The following SCN2B variants were observed in gnomAD, a reference collection of about 807,000 sequenced individuals.
The protein encoded by SCN2B is sodium voltage-gated channel beta subunit 2, also known as sodium channel regulatory subunit beta-2.
A neutral mutation model predicts 18.2 loss-of-function variants in SCN2B; 14 were observed. The ratio of observed to expected loss-of-function variants is 0.77; its 90% CI spans 0.51 to 1.21. The LOEUF (loss-of-function observed/expected upper bound fraction) is 1.21, where lower values mean the gene tolerates loss of function less well. Ranked by LOEUF, SCN2B falls within the 50% of genes most tolerant of loss-of-function variation. The probability of loss-of-function intolerance (pLI) is 0.00; values close to 1 mark genes in which losing one functional copy is unlikely to be tolerated. For synonymous variants in SCN2B, 115 were observed against 115.3 expected, an observed-to-expected ratio of 1.00 and a Z score of 0.02; for missense variants, 262 against 286.9, an observed-to-expected ratio of 0.91 and a Z score of 0.63.
chr11:118,171,742 C>T (rs1948432713), intron 1 of SCN2B, among the ~76,000 whole-genome samples: 1 of 152,222 alleles, frequency 6.6e-6, no homozygotes, highest in Non-Finnish European at 1.5e-5. Context: ...GCAATGCGGG[C>T]TCCCCCTCCC....
rs542359426 is a variant in SCN2B at position 118,166,777 on chromosome 11, C to T, written c.*110G>A. On this transcript the variant is annotated 3_prime_UTR_variant, in exon 4 of 4. Coordinates refer to ENST00000278947, the MANE Select transcript of SCN2B (RefSeq NM_004588.5). The stretch of plus-strand genomic sequence containing the variant: ...GGGGTTCAGGAGGCCCCAGGTGGGC[C>T]CTGGGGTCCTAGGTCACGGGAAGCA... The T allele has an allele frequency of 7.3e-7, 1 of 1,369,570 alleles. No homozygotes were observed. The highest frequency in any genetic ancestry group is 1.4e-5 in the African/African-American group (1 of 70,076). The allele number at this position is 1,369,570 out of a possible 1,614,324, so 84.8% of individuals were successfully genotyped here.
Position 118,166,828 on chromosome 11 carries a change from C to T in SCN2B, c.*59G>A. On this transcript the variant is annotated 3_prime_UTR_variant, in exon 4 of 4. Transcript: ENST00000278947. ...CACCAAGAGCGAGCAGGCAGGGTCA[C>T]TGTACAGGGCGGAGAGGGGAGGAGA... is the stretch of plus-strand genomic sequence containing the variant. 1.9e-6 allele frequency: 3 copies of T among 1,603,180 alleles called. No homozygotes were observed. Among genetic ancestry groups the T allele is most frequent in the Non-Finnish European group, 2.6e-6 (3 of 1,173,744 alleles).
Position 118,174,178 on chromosome 11 carries a change from G to A in SCN2B, c.70+2184C>T, listed in dbSNP as rs550844390. Among the ~76,000 whole-genome samples the A allele has an allele frequency of 3.0e-3, 376 of 125,790 alleles. 2 individuals carry two copies. The highest frequency in any genetic ancestry group is 0.011 in the African/African-American group (364 of 32,766). 82.5% of individuals were successfully genotyped at this position (125,790 alleles called of 152,430 possible). A position where few individuals can be genotyped will look rare whatever the true frequency, so the allele number is the denominator to read the frequency against. ...TGGTCTCCAATTCCTGGCCTCAAGC[G>A]ATCCTCCCACCTCGGCCTCCCAAAG... On this transcript the variant is annotated intron_variant, in intron 1 of 3. Transcript: ENST00000278947.
At position 118,168,221 on chromosome 11, in the gene SCN2B, G is replaced by A. The variant is rs747596789; in HGVS notation, c.312C>T (p.Asn104=). ...RFQDRVEFSG[N]PSKYDVSVML... is the part of the protein sequence containing the mutation. ...TCACCGACACATCGTACTTGCTGGG[G>A]TTCCCTGAGAACTCCACGCGGTCTT... Residue 104 remains asparagine, a synonymous_variant, in exon 3 of 4, where the codon AAC becomes AAT. Coordinates refer to ENST00000278947, the MANE Select transcript of SCN2B (RefSeq NM_004588.5). The surrounding 1 kb of genome is among the most constrained non-coding windows in gnomAD (Gnocchi z 4.7). 6.2e-7 allele frequency: 1 copy of A among 1,614,168 alleles called. No homozygotes were observed. The highest frequency in any genetic ancestry group is 1.7e-5 in the Admixed American group (1 of 60,024).
chr11:118,170,752 G>A (rs1269055372), intron 1 of SCN2B, among the ~76,000 whole-genome samples: 1 of 152,158 alleles, frequency 6.6e-6, no homozygotes, highest in African/African-American at 2.4e-5. Flanking sequence ...GATCTCCCAG[G>A]GTTGTTTCGA....
rs1360481370 is a variant in SCN2B at position 118,165,398 on chromosome 11, C to T, written c.*1489G>A. On this transcript the variant is annotated 3_prime_UTR_variant, in exon 4 of 4. Transcript: ENST00000278947. ...TGTTTCTGCCTCTTGCTCCTTCTCT[C>T]AGGCCTAATCAATTTCCATTGAATG... is the stretch of plus-strand genomic sequence containing the variant. 6.6e-6 allele frequency: 1 copy of T among 152,004 alleles called. No individual in the cohort carries two copies. Among genetic ancestry groups the T allele is most frequent in the Non-Finnish European group, 1.5e-5 (1 of 68,008 alleles). 9.4% of individuals were successfully genotyped at this position (152,004 alleles called of 1,614,324 possible). A position where few individuals can be genotyped will look rare whatever the true frequency, so the allele number is the denominator to read the frequency against.
chr11:118,175,929 A>G (rs1948465539), intron 1 of SCN2B, among the ~76,000 whole-genome samples: 1 of 152,106 alleles, frequency 6.6e-6, no homozygotes. Context: ...GCTCCCCTGC[A>G]CACTCTCCTA....
Position 118,176,380 on chromosome 11 carries a change from T to A in SCN2B, c.52A>T (p.Ser18Cys). 6.2e-7 allele frequency: 1 copy of A among 1,614,056 alleles called. No individual in the cohort carries two copies. Among genetic ancestry groups the A allele is most frequent in the East Asian group, 2.2e-5 (1 of 44,890 alleles). Residue 18 changes from serine to cysteine, a missense_variant, in exon 1 of 4, where the codon AGT becomes TGT. Physicochemically the swap from Ser to Cys is moderately radical, Grantham distance 112. Transcript: ENST00000278947. ...AACTTACCCAAAGAGAAAAAGAGAC[T>A]GAGCCCCGTGAGGCTGAAGGCAGGG... Reference protein sequence around the residue: ...PRPAFSLTGLSLFFSLVPPGR... With the variant: ...PRPAFSLTGLCLFFSLVPPGR...
At chr11:118,174,091 C>CTTTTTTTTTTTTTTTT (rs1162918445) in intron 1 of SCN2B, among the ~76,000 whole-genome samples, 1 of 66,626 alleles carries the variant, frequency 1.5e-5, no homozygotes, top group African/African-American at 6.4e-5. Context: ...TTTTTCTTTT[C>CTTTTTTTTTTTTTTTT]TTTTTTTTTT....
chr11:118,176,479 T>G lies in SCN2B; in HGVS notation c.-48A>C, dbSNP rs1948469621. On this transcript the variant is annotated 5_prime_UTR_variant, in exon 1 of 4. Transcript: ENST00000278947. ...CGGGTGGGCTACGGGAGAGGGTGATTTGAGGGGGCGAGAACTACAAGGGAG... is the reference window on the plus strand; with the variant it reads ...CGGGTGGGCTACGGGAGAGGGTGATGTGAGGGGGCGAGAACTACAAGGGAG... The G allele has an allele frequency of 6.9e-7, 1 of 1,443,466 alleles. No individual in the cohort carries two copies. The highest frequency in any genetic ancestry group is 9.8e-7 in the Non-Finnish European group (1 of 1,024,914). The allele number at this position is 1,443,466 out of a possible 1,614,324, so 89.4% of individuals were successfully genotyped here.
At chr11:118,173,799 C>CTA (rs750915884) in intron 1 of SCN2B, among the ~76,000 whole-genome samples, 5 of 152,144 alleles carry the variant, frequency 3.3e-5, no homozygotes, top group Admixed American at 6.5e-5. Context: ...AGTGGGGACT[C>CTA]AATAAAGTCT....
In SCN2B at chr11:118,164,319, C is replaced by T. The variant is rs768238886; in HGVS notation, c.*2568G>A. 4 of 152,680 alleles carry T rather than the reference C, an allele frequency of 2.6e-5. No individual in the cohort carries two copies. The highest frequency in any genetic ancestry group is 6.5e-5 in the Admixed American group (1 of 15,288). The allele number at this position is 152,680 out of a possible 1,614,324, so 9.5% of individuals were successfully genotyped here. On this transcript the variant is annotated 3_prime_UTR_variant, in exon 4 of 4. Transcript: ENST00000278947. ...AAATGTATACAACCACTCTTGGTCT[C>T]AGCTGGCATGAGGTGCCCGCCACCC...
At chr11:118,175,836 C>T (rs1277277093) in intron 1 of SCN2B, among the ~76,000 whole-genome samples, 2 of 152,182 alleles carry the variant, frequency 1.3e-5, no homozygotes. Flanking sequence ...AAGCCCGCTT[C>T]CCACCTACTC....
intron 1 of SCN2B, among the ~76,000 whole-genome samples, chr11:118,170,885 C>T (rs1376294050): frequency 6.6e-6 from 1 of 152,226 alleles, no homozygotes. Flanking sequence ...CTGAGGGCAC[C>T]TTGGAGACTG....
At position 118,167,037 on chromosome 11, in the gene SCN2B, G is replaced by C. The variant is rs200709238; in HGVS notation, c.498C>G (p.Val166=). The part of the protein sequence containing the change: ...STVAVIVGAS[V]GGFLAVVILV... Reference sequence around the variant, plus strand: ...AGATGACCACAGCCAGGAAGCCCCCGACGGAGGCACCCACAATCACGGCCA... The same window carrying C: ...AGATGACCACAGCCAGGAAGCCCCCCACGGAGGCACCCACAATCACGGCCA... The change falls in exon 4 of 4, where the codon GTC becomes GTG. Residue 166 remains valine (V), a synonymous_variant. Transcript: ENST00000278947. The C allele has an allele frequency of 2.5e-6, 4 of 1,613,580 alleles. No homozygotes were observed. The highest frequency in any genetic ancestry group is 8.5e-7 in the Non-Finnish European group (1 of 1,180,022).
intron 1 of SCN2B, among the ~76,000 whole-genome samples, chr11:118,175,022 C>T (rs1948458398): frequency 1.3e-5 from 2 of 152,218 alleles, no homozygotes; most frequent in Non-Finnish European, 2.9e-5. Flanking sequence ...ACAGGGAGTT[C>T]AAATTTCAGC....
chr11:118,168,771 C>A lies in SCN2B; in HGVS notation c.71-20G>T. On this transcript the variant is annotated intron_variant, in intron 1 of 3. Transcript: ENST00000278947. The surrounding 1 kb of genome is among the most constrained non-coding windows in gnomAD (Gnocchi z 4.7). ...GTGGCACTGCAGATGAAGCCACAAG[C>A]TGGTGAGGAGTCTGGCTGAAAGGGC... The A allele has an allele frequency of 1.2e-6, 2 of 1,614,000 alleles. No homozygotes were observed. Among genetic ancestry groups the A allele is most frequent in the Non-Finnish European group, 1.7e-6 (2 of 1,180,008 alleles).
At chr11:118,174,782 G>C (rs1948456908) in intron 1 of SCN2B, among the ~76,000 whole-genome samples, 1 of 152,070 alleles carries the variant, frequency 6.6e-6, no homozygotes, top group African/African-American at 2.4e-5. Flanking sequence ...TCTTTACTTA[G>C]CCATGGCTCT....
rs1591444005 is a variant in SCN2B, at chr11:118,166,760, G to A, written c.*127C>T. On this transcript the variant is annotated 3_prime_UTR_variant, in exon 4 of 4. Transcript: ENST00000278947. ...TGGGAGATACGAAGTCGGGGGTTCA[G>A]GAGGCCCCAGGTGGGCCCTGGGGTC... 2.8e-6 allele frequency: 3 copies of A among 1,090,322 alleles called. No homozygotes were observed. The East Asian group carries it at 7.4e-5, about 27-fold the overall frequency. 67.5% of individuals were successfully genotyped at this position (1,090,322 alleles called of 1,614,324 possible). A position where few individuals can be genotyped will look rare whatever the true frequency, so the allele number is the denominator to read the frequency against.
Sources: allele counts gnomAD v4.1 joint callset (sites outside exome capture counted in the v4.1 genomes callset), GRCh38; gene constraint gnomAD v4.1.1; non-coding constraint Gnocchi (gnomAD v3.1); transcripts MANE v1.5; gene names NCBI Gene and HGNC (gene_info 2026-07-23, HGNC 2026-07-21).